GPLD1: variants seen among roughly 807,000 people sequenced by gnomAD.
GPLD1 encodes phosphatidylinositol-glycan-specific phospholipase D.
A neutral mutation model predicts 112.6 loss-of-function variants in GPLD1; 84 were observed. The ratio of observed to expected loss-of-function variants is 0.75; its 90% confidence interval spans 0.63 to 0.89. GPLD1 has a LOEUF of 0.89. GPLD1 is among the 40% of genes least tolerant of loss of function. The pLI is 0.00. For synonymous variants in GPLD1, 386 were observed against 403.8 expected (o/e 0.96, Z 0.53); for missense variants, 1,044 against 1,051.5 (o/e 0.99, Z 0.10).
rs1183258382 is a variant in GPLD1, at chr6:24,426,243, G to T, written c.*2789C>A. The T allele has an allele frequency of 6.6e-6, 1 of 152,110 alleles. No homozygotes were observed. Among genetic ancestry groups the T allele is most frequent in the Non-Finnish European group, 1.5e-5 (1 of 68,028 alleles). The allele number at this position is 152,110 out of a possible 1,614,324, so 9.4% of individuals were successfully genotyped here. On this transcript the variant is annotated 3_prime_UTR_variant, in exon 25 of 25. Coordinates refer to ENST00000230036, the MANE Select transcript of GPLD1 (RefSeq NM_001503.4). ...GAGAAATTACAACCCTACAAGGTAAGGTCTTTACATTTTAGTTATTAAGCA... is the reference window on the plus strand; with the variant it reads ...GAGAAATTACAACCCTACAAGGTAATGTCTTTACATTTTAGTTATTAAGCA...
At position 24,472,571 on chromosome 6, in the gene GPLD1, A is replaced by C; in HGVS notation, c.545+11T>G. 4.6e-6 allele frequency: 7 copies of C among 1,529,400 alleles called. No homozygotes were observed. The highest frequency in any genetic ancestry group is 6.3e-6 in the Non-Finnish European group (7 of 1,103,022). 94.7% of individuals were successfully genotyped at this position (1,529,400 alleles called of 1,614,324 possible). The stretch of plus-strand genomic sequence containing the variant: ...TTAGATACCACATATTTAGATGTAC[A>C]TTGCTCTTACCAGCGTCGTGCAAGG... On this transcript the variant is annotated intron_variant, in intron 7 of 24. Coordinates refer to ENST00000230036, the MANE Select transcript of GPLD1 (RefSeq NM_001503.4).
chr6:24,430,839 G>A (rs1189586069), intron 24 of GPLD1, among the ~76,000 whole-genome samples: 1 of 152,126 alleles, frequency 6.6e-6, no homozygotes, highest in Non-Finnish European at 1.5e-5. Flanking sequence ...TGCTGGAAAA[G>A]TGAAGTAATT....
chr6:24,452,502 G>A (rs139893143), intron 14 of GPLD1, among the ~76,000 whole-genome samples: 257 of 152,206 alleles, frequency 1.7e-3, no homozygotes, highest in African/African-American at 5.8e-3. Context: ...ATGGCTGGGC[G>A]TGGTGGCTCA....
At chr6:24,480,701 G>A (rs1457786164) in intron 2 of GPLD1, among the ~76,000 whole-genome samples, 2 of 152,164 alleles carry the variant, frequency 1.3e-5, no homozygotes, top group African/African-American at 4.8e-5. Flanking sequence ...AAAGTAGATG[G>A]TAGCGGTTTT....
chr6:24,431,421 G>A (rs1005610441), intron 24 of GPLD1, among the ~76,000 whole-genome samples: 1 of 151,874 alleles, frequency 6.6e-6, no homozygotes, highest in African/African-American at 2.4e-5. Context: ...GACTTTCCAT[G>A]TATATGAATC....
chr6:24,454,677 A>G (rs758817512), intron 13 of GPLD1, among the ~76,000 whole-genome samples: 1 of 152,256 alleles, frequency 6.6e-6, no homozygotes, highest in Non-Finnish European at 1.5e-5. Flanking sequence ...CAGTGGGCCA[A>G]ATCAAGAGTC....
At chr6:24,466,889 A>T in intron 9 of GPLD1, 23 bp downstream of exon 9, 1 of 1,603,770 alleles carries the variant, frequency 6.2e-7, no homozygotes, top group Non-Finnish European at 8.5e-7. Context: ...ATCCTTTAAG[A>T]TTTGGAAGAA....
At chr6:24,454,980 T>C (rs1043642287) in intron 13 of GPLD1, among the ~76,000 whole-genome samples, 3 of 152,044 alleles carry the variant, frequency 2.0e-5, no homozygotes, top group Admixed American at 1.3e-4. Flanking sequence ...AATACAAAAA[T>C]TAGCTGGGTA....
At chr6:24,473,888 G>C (rs1016738636) in intron 5 of GPLD1, among the ~76,000 whole-genome samples, 1 of 152,136 alleles carries the variant, frequency 6.6e-6, no homozygotes, top group African/African-American at 2.4e-5. Flanking sequence ...ACTTTGGGAG[G>C]TTGAGGCGGG....
chr6:24,464,411 T>C (rs563048150), intron 10 of GPLD1, among the ~76,000 whole-genome samples: 1 of 152,218 alleles, frequency 6.6e-6, no homozygotes, highest in South Asian at 2.1e-4. Flanking sequence ...AGCTTGGGGA[T>C]TTTAGTTGAG....
rs1268549850 is a variant in GPLD1 at position 24,427,263 on chromosome 6, A to G, written c.*1769T>C. Among the ~76,000 whole-genome samples, 8 of 152,196 alleles carry G rather than the reference A, an allele frequency of 5.3e-5. 1 individual carries two copies. The highest frequency in any genetic ancestry group is 1.9e-4 in the African/African-American group (8 of 41,454). On this transcript the variant is annotated 3_prime_UTR_variant, in exon 25 of 25. Transcript: ENST00000230036. ...CTGACAAATGAAATCCATCCTACGA[A>G]AAACAGCCCAGGAACAAGCGAGGCC...
Position 24,428,274 on chromosome 6 carries a change from C to T in GPLD1, c.*758G>A. Reference sequence around the variant, plus strand: ...ACTTTTAAGTTCAGGGGTACATGCGCAGGAAGTGCTGGTTTGTTACATACA... The same window carrying T: ...ACTTTTAAGTTCAGGGGTACATGCGTAGGAAGTGCTGGTTTGTTACATACA... On this transcript the variant is annotated 3_prime_UTR_variant, in exon 25 of 25. Coordinates refer to ENST00000230036, the MANE Select transcript of GPLD1 (RefSeq NM_001503.4). The T allele has an allele frequency of 6.6e-6, 1 of 151,648 alleles. No homozygotes were observed. Among genetic ancestry groups the T allele is most frequent in the East Asian group, 1.9e-4 (1 of 5,168 alleles). The allele number at this position is 151,648 out of a possible 1,614,324, so 9.4% of individuals were successfully genotyped here.
chr6:24,461,215 C>A (rs556465097), intron 11 of GPLD1, among the ~76,000 whole-genome samples: 1 of 152,112 alleles, frequency 6.6e-6, no homozygotes, highest in South Asian at 2.1e-4. Context: ...GGGCCCTGGG[C>A]ATGACACCAA....
chr6:24,484,060 C>T (rs886439515), intron 2 of GPLD1, among the ~76,000 whole-genome samples: 2 of 151,610 alleles, frequency 1.3e-5, no homozygotes, highest in African/African-American at 2.4e-5. Context: ...GGATTACAGG[C>T]GCCCACCACG....
chr6:24,449,938 C>T (rs761680058), intron 14 of GPLD1, 39 bp from the exon 15 acceptor site: 21 of 1,455,500 alleles, frequency 1.4e-5, no homozygotes, highest in Admixed American at 7.1e-5. Context: ...GGCTGAGCCA[C>T]GGCCTCGGAA....
At chr6:24,441,146 T>TTAA (rs111437814) in intron 20 of GPLD1, among the ~76,000 whole-genome samples, 41 of 139,668 alleles carry the variant, frequency 2.9e-4, no homozygotes, top group African/African-American at 1.1e-3. Flanking sequence ...CTACTAAAAA[T>TTAA]AAAAAAAAAA....
At position 24,460,473 on chromosome 6, in the gene GPLD1, T is replaced by C. The variant is rs184521866; in HGVS notation, c.888-74A>G. On this transcript the variant is annotated intron_variant, in intron 11 of 24. Coordinates refer to ENST00000230036, the MANE Select transcript of GPLD1 (RefSeq NM_001503.4). ...CCCTGTAAAACTGAGTTGAAGAATA[T>C]AGTCAAGTTAATCACAGGTTAAAAG... The C allele has an allele frequency of 4.0e-4, 606 of 1,505,708 alleles. 2 individuals carry two copies. The highest frequency in any genetic ancestry group is 1.3e-3 in the Middle Eastern group (6 of 4,564). 93.3% of individuals were successfully genotyped at this position (1,505,708 alleles called of 1,614,324 possible).
chr6:24,460,555 C>T (rs1763402137), intron 11 of GPLD1, among the ~76,000 whole-genome samples, 156 bp from the exon 12 acceptor site: 1 of 152,254 alleles, frequency 6.6e-6, no homozygotes, highest in East Asian at 1.9e-4. Flanking sequence ...TTTTAGAAAA[C>T]CTTCATTTCA....
chr6:24,484,659 T>C (rs904872057), intron 2 of GPLD1, among the ~76,000 whole-genome samples: 1 of 152,330 alleles, frequency 6.6e-6, no homozygotes, highest in East Asian at 1.9e-4. Flanking sequence ...CTGCACACAC[T>C]CTGGATTGAT....
Sources: gnomAD v4.1 joint callset for allele counts (sites outside exome capture counted in the v4.1 genomes callset) on GRCh38, gnomAD v4.1.1 for gene constraint, MANE v1.5 for transcripts, NCBI Gene and HGNC (gene_info 2026-07-23, HGNC 2026-07-21) for gene names.